CD27: variants seen among roughly 807,000 people sequenced by gnomAD.
CD27 encodes CD27 antigen.
In CD27, 16 loss-of-function variants were observed where a neutral mutation model predicts 25.9. The ratio of observed to expected loss-of-function variants is 0.62; its 90% CI spans 0.42 to 0.94. The LOEUF (loss-of-function observed/expected upper bound fraction) is 0.94. Among genes scored for constraint, CD27 ranks in the 40% least tolerant of loss-of-function variants. The pLI is 0.00. For synonymous variants in CD27, 142 were observed against 124.3 expected (o/e 1.14, Z -0.95); for missense variants, 300 against 333.2 (o/e 0.90, Z 0.78).
At chr12:6,444,652 CG>C (rs1192328921), upstream of CD27, among the ~76,000 whole-genome samples, 1 of 43,234 alleles carries the variant, frequency 2.3e-5, no homozygotes, top group Non-Finnish European at 4.4e-5. Context: ...AAACTGTGGA[CG>C]GGGGGGTGGG....
In CD27 at chr12:6,450,858, C is replaced by A. The variant is rs765331418; in HGVS notation, c.539-37C>A. On this transcript the variant is annotated intron_variant, in intron 4 of 5. Coordinates refer to ENST00000266557, the MANE Select transcript of CD27 (RefSeq NM_001242.5). The surrounding 1 kb of genome is among the most constrained non-coding windows in gnomAD (Gnocchi z 4.1). ...TGGGCTGAGGGAGCCAAGGGCTAGA[C>A]CCTCCCCTAACCCCTGTGTGTCCCC... 5 of 1,613,514 alleles carry A rather than the reference C, an allele frequency of 3.1e-6. No individual in the cohort carries two copies. The East Asian group carries it at 8.9e-5, about 29-fold the overall frequency.
rs1949529602 is a variant in CD27 at position 6,450,970 on chromosome 12, T to C, written c.614T>C (p.Leu205Pro). Residue 205 changes from leucine to proline, a missense_variant, in exon 5 of 6, where the codon CTG (leucine) becomes CCG (proline). Physicochemically the swap from Leu to Pro is moderately conservative, Grantham distance 98. Transcript: ENST00000266557. This position sits in a 1 kb window ranked among gnomAD's most constrained non-coding sequence, Gnocchi z 4.1. ...IFSGMFLVFT[L>P]AGALFLHQRR... ...TCTGGAATGTTCCTTGTTTTCACCC[T>C]GGCCGGGGCCCTGTTCCTCCATCAA... 6.2e-7 allele frequency: 1 copy of C among 1,614,056 alleles called. No homozygotes were observed. Among genetic ancestry groups the C allele is most frequent in the Non-Finnish European group, 8.5e-7 (1 of 1,180,016 alleles).
rs71584832 is a variant in CD27 at position 6,450,490 on chromosome 12, T to A, written c.449-51T>A. 1.7e-5 allele frequency: 26 copies of A among 1,574,434 alleles called. No individual in the cohort carries two copies. The highest frequency in any genetic ancestry group is 2.3e-5 in the Non-Finnish European group (26 of 1,147,004). On this transcript the variant is annotated intron_variant, in intron 3 of 5. Coordinates refer to ENST00000266557, the MANE Select transcript of CD27 (RefSeq NM_001242.5). The surrounding 1 kb of genome is among the most constrained non-coding windows in gnomAD (Gnocchi z 4.1). ...ATCCAGCACCTCTCAGGCCTTCAGA[T>A]GTGCCCTATGGGGTCCCCTGCTGCT...
chr12:6,445,598 A>C lies in CD27; in HGVS notation c.268+43A>C. 6.2e-7 allele frequency: 1 copy of C among 1,603,104 alleles called. No homozygotes were observed. The highest frequency in any genetic ancestry group is 8.5e-7 in the Non-Finnish European group (1 of 1,175,884). ...GTGTAGGTGGGGACGATGGACAAGC[A>C]TCTGGGGGAGCAAGGCTGGTGACGG... On this transcript the variant is annotated intron_variant, in intron 2 of 5. Coordinates refer to ENST00000266557, the MANE Select transcript of CD27 (RefSeq NM_001242.5). This position sits in a 1 kb window ranked among gnomAD's most constrained non-coding sequence, Gnocchi z 4.5.
chr12:6,445,547 G>A lies in CD27; in HGVS notation c.260G>A (p.Cys87Tyr), dbSNP rs1351860963. 1.2e-6 allele frequency: 2 copies of A among 1,613,550 alleles called. No homozygotes were observed. Among genetic ancestry groups the A allele is most frequent in the Non-Finnish European group, 1.7e-6 (2 of 1,179,986 alleles). Residue 87 changes from cysteine (C) to tyrosine (Y), a missense_variant, in exon 2 of 6, where the codon TGT becomes TAT. Coordinates refer to ENST00000266557, the MANE Select transcript of CD27 (RefSeq NM_001242.5). This position sits in a 1 kb window ranked among gnomAD's most constrained non-coding sequence, Gnocchi z 4.5. ...CCCCACTGTGAGAGCTGTCGGCACTGTAACTCTGGTGAGGTGGGCAAGGGT... is the reference window on the plus strand; with the variant it reads ...CCCCACTGTGAGAGCTGTCGGCACTATAACTCTGGTGAGGTGGGCAAGGGT... ...TRPHCESCRH[C>Y]NSGLLVRNCT...
Position 6,445,792 on chromosome 12 carries a change from A to G in CD27, c.268+237A>G, listed in dbSNP as rs1949407300. Reference sequence around the variant, plus strand: ...ATAAATAGAATTTGAGGGATTGGTGAGAACGGGTCTATGGATAGGATCAAG... The same window carrying G: ...ATAAATAGAATTTGAGGGATTGGTGGGAACGGGTCTATGGATAGGATCAAG... On this transcript the variant is annotated intron_variant, in intron 2 of 5. Transcript: ENST00000266557. This position sits in a 1 kb window ranked among gnomAD's most constrained non-coding sequence, Gnocchi z 4.5. Among the ~76,000 whole-genome samples, 1 of 152,188 alleles carries G rather than the reference A, an allele frequency of 6.6e-6. No homozygotes were observed. The highest frequency in any genetic ancestry group is 2.1e-4 in the South Asian group (1 of 4,832).
chr12:6,444,518 C>A (rs570652375), upstream of CD27, among the ~76,000 whole-genome samples: 463 of 152,104 alleles, frequency 3.0e-3, 3 homozygotes, highest in African/African-American at 0.011. Flanking sequence ...TATCTGACCC[C>A]CAAAGTTTCA....
chr12:6,447,317 C>T (rs1355395174), intron 2 of CD27: 2 of 152,208 alleles, frequency 1.3e-5, no homozygotes, highest in Non-Finnish European at 2.9e-5. Flanking sequence ...ATACTGAGCC[C>T]ATCTTCAGTC....
rs549905322 is a variant in CD27 at position 6,449,315 on chromosome 12, C to CTTTT, written c.269-845_269-842dup. Reference sequence around the variant, plus strand: ...CCTGGCTATTTTCTTTCTTTCTTTTCTTTTTTTTTTTTTTTTGAGACGGAG... The same window carrying CTTTT: ...CCTGGCTATTTTCTTTCTTTCTTTTCTTTTTTTTTTTTTTTTTTTTGAGACGGAG... On this transcript the variant is annotated intron_variant, in intron 2 of 5. Transcript: ENST00000266557. Among the ~76,000 whole-genome samples the CTTTT allele has an allele frequency of 1.9e-4, 23 of 123,728 alleles. 1 individual carries two copies. Among genetic ancestry groups the CTTTT allele is most frequent in the African/African-American group, 4.0e-4 (13 of 32,126 alleles). The allele number at this position is 123,728 out of a possible 152,430, so 81.2% of individuals were successfully genotyped here. A position where few individuals can be genotyped will look rare whatever the true frequency, so the allele number is the denominator to read the frequency against.
intron 2 of CD27, chr12:6,448,627 T>C (rs538650093): frequency 6.6e-6 from 1 of 152,212 alleles, no homozygotes; most frequent in South Asian, 2.1e-4. Flanking sequence ...TAGCCAGGTG[T>C]GGTGGCACAC....
In CD27 at chr12:6,445,735, C is replaced by T. The variant is rs1187252468; in HGVS notation, c.268+180C>T. Among the ~76,000 whole-genome samples, 3 of 151,752 alleles carry T rather than the reference C, an allele frequency of 2.0e-5. No individual in the cohort carries two copies. The highest frequency in any genetic ancestry group is 3.9e-4 in the East Asian group (2 of 5,186). On this transcript the variant is annotated intron_variant, in intron 2 of 5. Transcript: ENST00000266557. The surrounding 1 kb of genome is among the most constrained non-coding windows in gnomAD (Gnocchi z 4.5). ...GCACCCTAGGTGGGGCATGAATTAA[C>T]GTGGGCAGACATCTAGTATTCCAGG...
rs1949409857 is a variant in CD27, at chr12:6,445,940, T to C, written c.268+385T>C. 6.6e-6 allele frequency among the ~76,000 whole-genome samples: 1 copy of C among 152,164 alleles called. No homozygotes were observed. Among genetic ancestry groups the C allele is most frequent in the African/African-American group, 2.4e-5 (1 of 41,444 alleles). ...TTGGCCATTGGGAATTTGGAATACATCTTTCTAAGGAAATAACAAAGCAAC... is the reference window on the plus strand; with the variant it reads ...TTGGCCATTGGGAATTTGGAATACACCTTTCTAAGGAAATAACAAAGCAAC... On this transcript the variant is annotated intron_variant, in intron 2 of 5. Coordinates refer to ENST00000266557, the MANE Select transcript of CD27 (RefSeq NM_001242.5). The surrounding 1 kb of genome is among the most constrained non-coding windows in gnomAD (Gnocchi z 4.5).
At position 6,445,632 on chromosome 12, in the gene CD27, G is replaced by GA; in HGVS notation, c.268+77_268+78insA. 6.5e-7 allele frequency: 1 copy of GA among 1,536,894 alleles called. No homozygotes were observed. The highest frequency in any genetic ancestry group is 8.8e-7 in the Non-Finnish European group (1 of 1,141,356). ...AGCAAGGCTGGTGACGGGTTTGGGG[G>GA]TGCAAGGAGGATGACGGGGCCAAAG... On this transcript the variant is annotated intron_variant, in intron 2 of 5. Coordinates refer to ENST00000266557, the MANE Select transcript of CD27 (RefSeq NM_001242.5). This position sits in a 1 kb window ranked among gnomAD's most constrained non-coding sequence, Gnocchi z 4.5.
At position 6,445,170 on chromosome 12, in the gene CD27, G is replaced by T. The variant is rs1223892443; in HGVS notation, c.75G>T (p.Lys25Asn). 6.2e-7 allele frequency: 1 copy of T among 1,612,128 alleles called. No individual in the cohort carries two copies. The change falls in exon 1 of 6, where the codon AAG (lysine) becomes AAT (asparagine). Residue 25 changes from lysine to asparagine, a missense_variant. Lys to Asn is a moderately conservative substitution (Grantham distance 94, BLOSUM62 0). Coordinates refer to ENST00000266557, the MANE Select transcript of CD27 (RefSeq NM_001242.5). This position sits in a 1 kb window ranked among gnomAD's most constrained non-coding sequence, Gnocchi z 4.5. ...GGCTCTCAGCTACTCCAGCCCCCAA[G>T]AGCTGCCCAGAGAGGCACTACTGGG... Reference protein sequence around the residue: ...LVGLSATPAPKSCPERHYWAQ... With the variant: ...LVGLSATPAPNSCPERHYWAQ...
At position 6,450,026 on chromosome 12, in the gene CD27, G is replaced by C; in HGVS notation, c.269-147G>C. ...AAGGCATTGGGGGACCGTGAGCAAA[G>C]GGCAGGCCTTTGCAGGGGTGGGAAT... On this transcript the variant is annotated intron_variant, in intron 2 of 5. Coordinates refer to ENST00000266557, the MANE Select transcript of CD27 (RefSeq NM_001242.5). The surrounding 1 kb of genome is among the most constrained non-coding windows in gnomAD (Gnocchi z 4.1). 1 of 638,964 alleles carries C rather than the reference G, an allele frequency of 1.6e-6. No individual in the cohort carries two copies. The highest frequency in any genetic ancestry group is 2.0e-5 in the South Asian group (1 of 50,876). 39.6% of individuals were successfully genotyped at this position (638,964 alleles called of 1,614,324 possible). A position where few individuals can be genotyped will look rare whatever the true frequency, so the allele number is the denominator to read the frequency against.
chr12:6,444,014 A>C (rs554494495), upstream of CD27, among the ~76,000 whole-genome samples: 1 of 152,308 alleles, frequency 6.6e-6, no homozygotes, highest in Non-Finnish European at 1.5e-5. Flanking sequence ...GGGAAAATAA[A>C]AAAGAGATGA....
At chr12:6,444,605 C>T (rs1316876942), upstream of CD27, among the ~76,000 whole-genome samples, 1 of 128,088 alleles carries the variant, frequency 7.8e-6, no homozygotes, top group African/African-American at 3.1e-5. Context: ...AGGAGGGATG[C>T]AGGTATGGGA....
rs776882476 is a variant in CD27, at chr12:6,450,394, G to A, written c.448+42G>A. The stretch of plus-strand genomic sequence containing the variant: ...TCTCTGTGCCATCACGTGGGGTAGC[G>A]GTGATACCCCAACCAGTACTCCCCA... On this transcript the variant is annotated intron_variant, in intron 3 of 5. Transcript: ENST00000266557. This position sits in a 1 kb window ranked among gnomAD's most constrained non-coding sequence, Gnocchi z 4.1. The A allele has an allele frequency of 1.4e-5, 22 of 1,570,634 alleles. No homozygotes were observed. The highest frequency in any genetic ancestry group is 1.2e-4 in the South Asian group (11 of 89,144).
In CD27 at chr12:6,445,219, A is replaced by G. The variant is rs1446420401; in HGVS notation, c.124A>G (p.Met42Val). The change falls in exon 1 of 6, where the codon ATG becomes GTG. Residue 42 changes from methionine to valine, a missense_variant. Coordinates refer to ENST00000266557, the MANE Select transcript of CD27 (RefSeq NM_001242.5). This position sits in a 1 kb window ranked among gnomAD's most constrained non-coding sequence, Gnocchi z 4.5. ...YWAQGKLCCQMCEPGTFLVKD... is the reference protein window; with the variant it reads ...YWAQGKLCCQVCEPGTFLVKD... The stretch of plus-strand genomic sequence containing the variant: ...GGCTCAGGGAAAGCTGTGCTGCCAG[A>G]TGTGTGAGCCAGGTAAGAGGGGGCC... 1 of 1,614,044 alleles carries G rather than the reference A, an allele frequency of 6.2e-7. No individual in the cohort carries two copies. Among genetic ancestry groups the G allele is most frequent in the Non-Finnish European group, 8.5e-7 (1 of 1,179,974 alleles).
Sources: gnomAD v4.1 joint callset for allele counts (sites outside exome capture counted in the v4.1 genomes callset) on GRCh38, gnomAD v4.1.1 for gene constraint, Gnocchi (gnomAD v3.1) non-coding constraint, MANE v1.5 for transcripts, NCBI Gene and HGNC (gene_info 2026-07-23, HGNC 2026-07-21) for gene names.